The following TMEM135 variants were observed in gnomAD, a reference collection of about 807,000 sequenced individuals.
TMEM135 encodes the protein peroxisomal membrane protein 52.
In TMEM135, 30 loss-of-function variants were observed where a neutral mutation model predicts 60.3. The ratio of observed to expected loss-of-function variants is 0.50; its 90% CI spans 0.37 to 0.68. The LOEUF (loss-of-function observed/expected upper bound fraction) is 0.68, where lower values mean the gene tolerates loss of function less well. Among genes scored for constraint, TMEM135 ranks in the 30% least tolerant of loss-of-function variants. TMEM135 has a pLI of 0.00. For missense variants in TMEM135, 468 were observed against 548.8 expected, an observed-to-expected ratio of 0.85 and a Z score of 1.47; for synonymous variants, 190 against 186.7, an observed-to-expected ratio of 1.02 and a Z score of -0.14.
At chr11:87,149,338 A>T (rs1047025428) in intron 4 of TMEM135, among the ~76,000 whole-genome samples, 1 of 152,060 alleles carries the variant, frequency 6.6e-6, no homozygotes, top group Admixed American at 6.6e-5. Context: ...ATGTGTTCCT[A>T]TACTCTCACC....
At chr11:87,161,045 A>G (rs937653441) in intron 5 of TMEM135, among the ~76,000 whole-genome samples, 1 of 152,072 alleles carries the variant, frequency 6.6e-6, no homozygotes, top group Non-Finnish European at 1.5e-5. Flanking sequence ...GACCACATGC[A>G]TCCACTACCA....
chr11:87,128,364 G>T (rs1343594853), intron 4 of TMEM135, among the ~76,000 whole-genome samples: 33 of 152,104 alleles, frequency 2.2e-4, no homozygotes, highest in Non-Finnish European at 1.5e-5. Context: ...TGCTCTAGCT[G>T]TTTCAACCTT....
intron 4 of TMEM135, among the ~76,000 whole-genome samples, chr11:87,144,210 A>C (rs1418124730): frequency 6.6e-6 from 1 of 152,234 alleles, no homozygotes. Context: ...ATTAAAAAAA[A>C]CAAACAGGTA....
intron 6 of TMEM135, among the ~76,000 whole-genome samples, chr11:87,283,333 CAA>C (rs372137194): frequency 9.4e-5 from 9 of 96,128 alleles, no homozygotes; most frequent in Non-Finnish European, 1.1e-4. Context: ...AATTCCATCT[CAA>C]AAAAAAAAAA....
At chr11:87,257,535 G>A (rs1941552227) in intron 6 of TMEM135, among the ~76,000 whole-genome samples, 1 of 152,114 alleles carries the variant, frequency 6.6e-6, no homozygotes, top group Non-Finnish European at 1.5e-5. Flanking sequence ...GATAATAATA[G>A]TACTTACCTC....
Position 87,224,253 on chromosome 11 carries a change from TA to T in TMEM135, c.463-12378del, listed in dbSNP as rs202227914. Among the ~76,000 whole-genome samples, 174 of 152,308 alleles carry T rather than the reference TA, an allele frequency of 1.1e-3. 3 individuals carry two copies. The East Asian group carries it at 0.028, about 24-fold the overall frequency. On this transcript the variant is annotated intron_variant, in intron 5 of 14. Coordinates refer to ENST00000305494, the MANE Select transcript of TMEM135 (RefSeq NM_022918.4). ...ATTAAACTGGCTATCAATATACACT[TA>T]AAAAAATGTGGAACTCAGTTAGAGG...
chr11:87,208,778 G>A (rs1940295664), intron 5 of TMEM135, among the ~76,000 whole-genome samples: 1 of 152,054 alleles, frequency 6.6e-6, no homozygotes, highest in Admixed American at 6.6e-5. Flanking sequence ...ATTCTCCAAG[G>A]TAAACACAAA....
At chr11:87,114,268 A>G (rs1039254149) in intron 4 of TMEM135, among the ~76,000 whole-genome samples, 1 of 152,170 alleles carries the variant, frequency 6.6e-6, no homozygotes, top group African/African-American at 2.4e-5. Context: ...TTTCAAGATA[A>G]CAGCTATTCA....
rs56665411 is a variant in TMEM135, at chr11:87,159,593, G to GCGCACACACACACACACACACA, written c.462+2188_462+2189insGCACACACACACACACACACAC. ...AAGATACTACTGAATACACACACGCGCACACACACACACACACACACACAC... is the reference window on the plus strand; with the variant it reads ...AAGATACTACTGAATACACACACGCGCGCACACACACACACACACACACACACACACACACACACACACACAC... On this transcript the variant is annotated intron_variant, in intron 5 of 14. Transcript: ENST00000305494. Among the ~76,000 whole-genome samples, 235 of 124,958 alleles carry GCGCACACACACACACACACACA rather than the reference G, an allele frequency of 1.9e-3. 2 individuals carry two copies. The highest frequency in any genetic ancestry group is 5.5e-3 in the African/African-American group (193 of 35,216). The allele number at this position is 124,958 out of a possible 152,430, so 82.0% of individuals were successfully genotyped here.
intron 5 of TMEM135, among the ~76,000 whole-genome samples, chr11:87,204,433 G>T (rs1333936476): frequency 6.6e-6 from 1 of 152,038 alleles, no homozygotes; most frequent in African/African-American, 2.4e-5. Context: ...ACAACACAAG[G>T]ATTAGGAGTG....
intron 8 of TMEM135, 121 bp downstream of exon 8, chr11:87,302,563 G>A (rs1942468165): frequency 1.6e-6 from 2 of 1,281,116 alleles, no homozygotes. Flanking sequence ...ACCAGAAACT[G>A]TGCATAGAAT....
At chr11:87,241,539 T>TA (rs1417187768) in intron 6 of TMEM135, among the ~76,000 whole-genome samples, 1 of 152,104 alleles carries the variant, frequency 6.6e-6, no homozygotes, top group Admixed American at 6.6e-5. Context: ...TATTTTTAAA[T>TA]ATACAATAAA....
chr11:87,139,426 CCT>C (rs1591049400), intron 4 of TMEM135, among the ~76,000 whole-genome samples: 2 of 152,026 alleles, frequency 1.3e-5, no homozygotes, highest in East Asian at 3.9e-4. Flanking sequence ...TTAAAAAGCC[CCT>C]CTTTCCCCTT....
intron 4 of TMEM135, among the ~76,000 whole-genome samples, chr11:87,106,119 T>C (rs1260933910): frequency 6.6e-6 from 1 of 152,140 alleles, no homozygotes; most frequent in Non-Finnish European, 1.5e-5. Flanking sequence ...CTTTTTTTTT[T>C]TTGAGACAGA....
chr11:87,183,304 G>A (rs750186864), intron 5 of TMEM135, among the ~76,000 whole-genome samples: 1 of 151,410 alleles, frequency 6.6e-6, no homozygotes, highest in Non-Finnish European at 1.5e-5. Context: ...CACCACGCCT[G>A]GTTAATTTTT....
intron 5 of TMEM135, among the ~76,000 whole-genome samples, chr11:87,232,567 C>G (rs1487574725): frequency 3.3e-5 from 5 of 152,038 alleles, no homozygotes; most frequent in African/African-American, 4.8e-5. Flanking sequence ...CTATACCCAG[C>G]AAAAGTATCT....
At chr11:87,271,367 C>T (rs1941858975) in intron 6 of TMEM135, among the ~76,000 whole-genome samples, 2 of 152,102 alleles carry the variant, frequency 1.3e-5, no homozygotes, top group Admixed American at 1.3e-4. Context: ...ACCCTATGAA[C>T]TTTAATCTTT....
intron 6 of TMEM135, among the ~76,000 whole-genome samples, chr11:87,293,401 C>CAAAA (rs35864901): frequency 0.49 from 74,045 of 151,222 alleles, 18,997 homozygotes; most frequent in Non-Finnish European, 0.58. Context: ...CTTAAAAAAA[C>CAAAA]AACAAAAAAC....
rs1325646536 is a variant in TMEM135 at position 87,244,164 on chromosome 11, C to T, written c.509+7480C>T. Among the ~76,000 whole-genome samples, 9 of 68,342 alleles carry T rather than the reference C, an allele frequency of 1.3e-4. 3 individuals are homozygous for T. The highest frequency in any genetic ancestry group is 4.2e-4 in the African/African-American group (7 of 16,540). The allele number at this position is 68,342 out of a possible 152,430, so 44.8% of individuals were successfully genotyped here. The stretch of plus-strand genomic sequence containing the variant: ...ATGCTGGATTACATTTATTGATTTG[C>T]GTATATTGAACCAGCCTTGCATCCC... On this transcript the variant is annotated intron_variant, in intron 6 of 14. Transcript: ENST00000305494.
Sources: gnomAD v4.1 joint callset for allele counts (sites outside exome capture counted in the v4.1 genomes callset) on GRCh38, gnomAD v4.1.1 for gene constraint, MANE v1.5 for transcripts, NCBI Gene and HGNC (gene_info 2026-07-23, HGNC 2026-07-21) for gene names.